LMO1: variants seen among roughly 807,000 people sequenced by gnomAD.
LMO1 encodes the protein rhombotin-1.
Under a neutral mutation model 18.0 loss-of-function variants are expected in LMO1, and 10 were observed. That is an observed-to-expected ratio of 0.55 (90% confidence interval 0.34 to 0.94). The LOEUF is 0.94. LMO1 is among the 40% of genes least tolerant of loss of function. The pLI is 0.02. For synonymous variants in LMO1, 77 were observed against 77.9 expected (o/e 0.99, Z 0.06); for missense variants, 183 against 205.7 (o/e 0.89, Z 0.68).
intron 1 of LMO1, among the ~76,000 whole-genome samples, chr11:8,260,806 T>C (rs924741975): frequency 1.3e-5 from 2 of 151,208 alleles, no homozygotes; most frequent in African/African-American, 4.9e-5. Flanking sequence ...GCGTTGGGGG[T>C]GGTTAATAGC....
rs750816256 is a variant in LMO1, at chr11:8,224,660, C to T, written c.427G>A (p.Glu143Lys). ...NNMILCQMDY[E>K]EGQLNGTFES... Reference sequence around the variant, plus strand: ...AAGGTGCCATTGAGCTGCCCTTCCTCATAGTCCATCTGACACAAGATCATG... The same window carrying T: ...AAGGTGCCATTGAGCTGCCCTTCCTTATAGTCCATCTGACACAAGATCATG... The change falls in exon 4 of 4, where the codon GAG becomes AAG. Residue 143 changes from glutamate (E) to lysine (K), a missense_variant. Glu to Lys is a moderately conservative substitution (Grantham distance 56). Coordinates refer to ENST00000335790, the MANE Select transcript of LMO1 (RefSeq NM_002315.3). 42 of 1,611,044 alleles carry T rather than the reference C, an allele frequency of 2.6e-5. No individual in the cohort carries two copies. The highest frequency in any genetic ancestry group is 4.5e-5 in the East Asian group (2 of 44,824).
At chr11:8,268,339 CG>C, upstream of LMO1, 1 of 1,178,488 alleles carries the variant, frequency 8.5e-7, no homozygotes, top group Non-Finnish European at 1.1e-6. Context: ...CCGCCGCTAG[CG>C]GGGTGGACTC....
chr11:8,253,945 T>C (rs1412081281), intron 1 of LMO1, among the ~76,000 whole-genome samples: 1 of 152,148 alleles, frequency 6.6e-6, no homozygotes, highest in Non-Finnish European at 1.5e-5. Flanking sequence ...CCCTAAATTA[T>C]TAAGCAGAAT....
At chr11:8,249,582 C>T (rs942039431) in intron 1 of LMO1, among the ~76,000 whole-genome samples, 7 of 152,178 alleles carry the variant, frequency 4.6e-5, no homozygotes, top group Non-Finnish European at 1.0e-4. Flanking sequence ...ATGCAGTATG[C>T]CCATGTAACA....
intron 3 of LMO1, among the ~76,000 whole-genome samples, chr11:8,225,180 G>A (rs1434261511): frequency 1.3e-5 from 2 of 151,924 alleles, no homozygotes; most frequent in African/African-American, 2.4e-5. Context: ...TTGGGAGGCT[G>A]AGGTGGGTGG....
rs535950454 is a variant in LMO1 at position 8,255,982 on chromosome 11, C to T, written c.25+7356G>A. On this transcript the variant is annotated intron_variant, in intron 1 of 3. Coordinates refer to ENST00000335790, the MANE Select transcript of LMO1 (RefSeq NM_002315.3). ...CTGGGACTACAGGCGCCCGCCACCA[C>T]GCCCGGCTAATTTTTTGTATTTTTG... Among the ~76,000 whole-genome samples the T allele has an allele frequency of 6.6e-5, 10 of 152,114 alleles. No homozygotes were observed. In the East Asian group the frequency reaches 1.4e-3, roughly 21 times the overall value.
At chr11:8,234,235 C>T (rs756221643) in intron 1 of LMO1, among the ~76,000 whole-genome samples, 14 of 152,088 alleles carry the variant, frequency 9.2e-5, no homozygotes, top group Non-Finnish European at 2.1e-4. Flanking sequence ...CCCAGTCTGA[C>T]TCATCTGGCT....
intron 1 of LMO1, among the ~76,000 whole-genome samples, chr11:8,239,784 T>G (rs776479320): frequency 2.6e-5 from 4 of 152,178 alleles, no homozygotes; most frequent in Admixed American, 6.5e-5. Context: ...AAGCTTCTCC[T>G]GCACGCTAGA....
intron 1 of LMO1, among the ~76,000 whole-genome samples, chr11:8,261,438 T>C (rs1172543661): frequency 1.3e-5 from 2 of 152,216 alleles, no homozygotes; most frequent in African/African-American, 4.8e-5. Context: ...AGAGGCATCA[T>C]GTGGTGCCTG....
chr11:8,254,747 T>C (rs1847061665), intron 1 of LMO1, among the ~76,000 whole-genome samples: 1 of 152,180 alleles, frequency 6.6e-6, no homozygotes, highest in African/African-American at 2.4e-5. Context: ...CCTTGAACTC[T>C]GAGTGTCTTT....
chr11:8,239,400 C>T (rs781590785), intron 1 of LMO1, among the ~76,000 whole-genome samples: 1 of 152,184 alleles, frequency 6.6e-6, no homozygotes, highest in Non-Finnish European at 1.5e-5. Flanking sequence ...GGCTTCTGGG[C>T]AGAGCCAGCA....
At chr11:8,225,060 A>T (rs987567587) in intron 3 of LMO1, among the ~76,000 whole-genome samples, 3 of 152,116 alleles carry the variant, frequency 2.0e-5, no homozygotes, top group Non-Finnish European at 2.9e-5. Flanking sequence ...CCCCAGTCCC[A>T]GAGAGGGAGA....
chr11:8,238,986 T>C (rs1001804841), intron 1 of LMO1, among the ~76,000 whole-genome samples: 3 of 152,206 alleles, frequency 2.0e-5, no homozygotes, highest in Non-Finnish European at 4.4e-5. Flanking sequence ...GCTAACCATC[T>C]TACAGTGTTA....
chr11:8,268,663 G>C (rs1210905109), upstream of LMO1: 1 of 310,062 alleles, frequency 3.2e-6, no homozygotes, highest in East Asian at 4.9e-5. Context: ...AGGCGCGGGG[G>C]CGAGACGGCC....
upstream of LMO1, among the ~76,000 whole-genome samples, chr11:8,266,995 C>T (rs1565191243): frequency 6.6e-6 from 1 of 152,230 alleles, no homozygotes; most frequent in Non-Finnish European, 1.5e-5. Context: ...AGATGCCCTT[C>T]CCTTCCCCCT....
intron 1 of LMO1, among the ~76,000 whole-genome samples, chr11:8,241,204 G>A (rs144356480): frequency 6.1e-4 from 92 of 152,026 alleles, no homozygotes; most frequent in African/African-American, 2.0e-3. Flanking sequence ...CCAGCACTCT[G>A]GCCAGAAACT....
intron 1 of LMO1, among the ~76,000 whole-genome samples, chr11:8,241,786 CA>C (rs10706352): frequency 0.14 from 16,550 of 118,214 alleles, 2,221 homozygotes; most frequent in African/African-American, 0.37. Flanking sequence ...CTGTGAGTTT[CA>C]AAAAAAAAAA....
intron 3 of LMO1, 108 bp downstream of exon 3, chr11:8,226,867 C>A: frequency 6.9e-7 from 1 of 1,454,304 alleles, no homozygotes; most frequent in South Asian, 1.4e-5. Flanking sequence ...CACATACACA[C>A]ACGCAACCCG....
intron 1 of LMO1, among the ~76,000 whole-genome samples, chr11:8,239,176 G>A (rs531104648): frequency 1.3e-5 from 2 of 152,332 alleles, no homozygotes; most frequent in Admixed American, 6.5e-5. Flanking sequence ...TCCAGCACAC[G>A]CCCAGGGCTT....
Sources: allele counts gnomAD v4.1 joint callset (sites outside exome capture counted in the v4.1 genomes callset), GRCh38; gene constraint gnomAD v4.1.1; transcripts MANE v1.5; gene names NCBI Gene and HGNC (gene_info 2026-07-23, HGNC 2026-07-21).